The following CACNA2D3 variants were observed in gnomAD, a reference collection of about 807,000 sequenced individuals.
The protein encoded by CACNA2D3 is calcium voltage-gated channel auxiliary subunit alpha2delta 3.
A neutral mutation model predicts 160.6 loss-of-function variants in CACNA2D3; 60 were observed. The ratio of observed to expected loss-of-function variants is 0.37; its 90% confidence interval spans 0.30 to 0.46. The LOEUF is 0.46. Ranked by LOEUF, CACNA2D3 falls within the 20% of genes least tolerant of loss-of-function variation. The pLI is 1.00. For synonymous variants in CACNA2D3, 558 were observed against 492.9 expected (o/e 1.13, Z -1.75); for missense variants, 1,205 against 1,365.0 (o/e 0.88, Z 1.85).
At chr3:54,855,574 A>G (rs868679935) in intron 17 of CACNA2D3, among the ~76,000 whole-genome samples, 17 of 152,218 alleles carry the variant, frequency 1.1e-4, no homozygotes, top group African/African-American at 3.9e-4. Context: ...GAAAGGAAAT[A>G]TGGAAGAATG....
chr3:54,643,259 A>G (rs992312522), intron 11 of CACNA2D3, among the ~76,000 whole-genome samples: 7 of 152,102 alleles, frequency 4.6e-5, no homozygotes, highest in Admixed American at 2.0e-4. Context: ...CCTCAACTCT[A>G]TCTAGGGAGC....
At chr3:54,693,957 G>A (rs1700613704) in intron 11 of CACNA2D3, among the ~76,000 whole-genome samples, 2 of 152,166 alleles carry the variant, frequency 1.3e-5, no homozygotes, top group Admixed American at 6.6e-5. Context: ...AGTTAGCTTA[G>A]ATATTTATTA....
intron 11 of CACNA2D3, among the ~76,000 whole-genome samples, chr3:54,709,291 A>G (rs748621353): frequency 3.9e-5 from 6 of 151,996 alleles, no homozygotes; most frequent in Non-Finnish European, 7.4e-5. Flanking sequence ...CTAGGATTAC[A>G]GGTGTGAGCC....
chr3:54,997,854 T>A (rs1471986862), intron 31 of CACNA2D3, among the ~76,000 whole-genome samples: 1 of 152,188 alleles, frequency 6.6e-6, no homozygotes, highest in Non-Finnish European at 1.5e-5. Flanking sequence ...TGAGTTTACA[T>A]CCAATTTTCC....
chr3:54,922,226 T>A (rs1700873084), intron 27 of CACNA2D3, among the ~76,000 whole-genome samples: 2 of 151,976 alleles, frequency 1.3e-5, no homozygotes, highest in South Asian at 4.2e-4. Flanking sequence ...TAGGGAAGTG[T>A]ACTAATTTTC....
intron 10 of CACNA2D3, among the ~76,000 whole-genome samples, chr3:54,629,535 C>G (rs1456251080): frequency 1.3e-5 from 2 of 152,144 alleles, no homozygotes; most frequent in Non-Finnish European, 2.9e-5. Context: ...AGTACAAATC[C>G]AAAGCCCCGG....
At chr3:54,889,104 G>A (rs1699996738) in intron 24 of CACNA2D3, among the ~76,000 whole-genome samples, 1 of 152,162 alleles carries the variant, frequency 6.6e-6, no homozygotes, top group South Asian at 2.1e-4. Flanking sequence ...CACATTGGAG[G>A]AATTTAAAGA....
chr3:54,178,962 C>CT lies in CACNA2D3; in HGVS notation c.204+55378dup, dbSNP rs887960436. Among the ~76,000 whole-genome samples, 22 of 150,188 alleles carry CT rather than the reference C, an allele frequency of 1.5e-4. 1 individual carries two copies. Among genetic ancestry groups the CT allele is most frequent in the East Asian group, 7.8e-4 (4 of 5,136 alleles). On this transcript the variant is annotated intron_variant, in intron 2 of 37. Transcript: ENST00000474759. ...CTTGAAGCTTCATTTGCATAGCAAA[C>CT]TTTTTTTTTTAAATTTAGCATCTAT...
chr3:54,828,746 T>C (rs939624218), intron 14 of CACNA2D3, among the ~76,000 whole-genome samples: 4 of 152,220 alleles, frequency 2.6e-5, no homozygotes, highest in African/African-American at 9.6e-5. Flanking sequence ...GAGGGAAATC[T>C]GTTTACTTTT....
At chr3:54,219,237 A>T (rs1469539839) in intron 2 of CACNA2D3, among the ~76,000 whole-genome samples, 1 of 152,134 alleles carries the variant, frequency 6.6e-6, no homozygotes, top group Non-Finnish European at 1.5e-5. Context: ...AAGTGACTTC[A>T]TGTTGGTAGC....
chr3:54,471,570 A>T (rs911616184), intron 4 of CACNA2D3, among the ~76,000 whole-genome samples: 1 of 152,190 alleles, frequency 6.6e-6, no homozygotes, highest in Non-Finnish European at 1.5e-5. Flanking sequence ...ACTGAAGGAG[A>T]TAGAGATACG....
At chr3:55,024,110 G>A (rs1479884952) in intron 35 of CACNA2D3, among the ~76,000 whole-genome samples, 3 of 133,522 alleles carry the variant, frequency 2.2e-5, no homozygotes, top group Non-Finnish European at 4.7e-5. Context: ...GTACTGAAGT[G>A]TACGGTTCAT....
intron 4 of CACNA2D3, among the ~76,000 whole-genome samples, chr3:54,414,839 C>G (rs1212947296): frequency 6.7e-6 from 1 of 148,210 alleles, no homozygotes; most frequent in Non-Finnish European, 1.5e-5. Flanking sequence ...TTTCTCAGAG[C>G]CTGGGGATAT....
At chr3:54,736,032 T>A (rs1227658520) in intron 11 of CACNA2D3, among the ~76,000 whole-genome samples, 5 of 60,002 alleles carry the variant, frequency 8.3e-5, no homozygotes, top group South Asian at 1.0e-3. Flanking sequence ...TACATATATA[T>A]ATGTATATAT....
chr3:54,816,558 A>G (rs1252434919), intron 13 of CACNA2D3, among the ~76,000 whole-genome samples: 1 of 152,222 alleles, frequency 6.6e-6, no homozygotes, highest in Non-Finnish European at 1.5e-5. Context: ...ACTGGGCAGA[A>G]GAGCCTCGGT....
At chr3:54,824,984 T>G (rs1488363239) in intron 14 of CACNA2D3, among the ~76,000 whole-genome samples, 1 of 152,252 alleles carries the variant, frequency 6.6e-6, no homozygotes, top group African/African-American at 2.4e-5. Flanking sequence ...AGTTTCAGAC[T>G]TAATTCTTAG....
At chr3:54,874,403 C>G (rs1699612896) in intron 18 of CACNA2D3, among the ~76,000 whole-genome samples, 1 of 138,728 alleles carries the variant, frequency 7.2e-6, no homozygotes, top group African/African-American at 2.7e-5. Context: ...GGAAAATTAT[C>G]TTAAAAATAG....
intron 11 of CACNA2D3, among the ~76,000 whole-genome samples, chr3:54,656,182 G>T (rs981315919): frequency 2.0e-5 from 3 of 152,214 alleles, no homozygotes; most frequent in African/African-American, 7.2e-5. Context: ...AACACAGAGA[G>T]GATACAGACT....
chr3:54,407,364 C>G (rs1699595441), intron 4 of CACNA2D3, among the ~76,000 whole-genome samples: 1 of 152,106 alleles, frequency 6.6e-6, no homozygotes, highest in African/African-American at 2.4e-5. Context: ...ATAACCACCC[C>G]CACAGTCATC....
Sources: gnomAD v4.1 joint callset for allele counts (sites outside exome capture counted in the v4.1 genomes callset) on GRCh38, gnomAD v4.1.1 for gene constraint, MANE v1.5 for transcripts, NCBI Gene and HGNC (gene_info 2026-07-23, HGNC 2026-07-21) for gene names.